The following MICU2 variants were observed in gnomAD, a reference collection of about 807,000 sequenced individuals.
The protein encoded by MICU2 is calcium uptake protein 2, mitochondrial.
MICU2 carries 64 observed loss-of-function variants against 60.4 expected under a neutral mutation model. That is an observed-to-expected ratio of 1.06 (90% confidence interval 0.87 to 1.31). MICU2 has a LOEUF of 1.31. MICU2 is among the 50% of genes most tolerant of loss of function. MICU2 has a pLI of 0.00. For synonymous variants in MICU2, 201 were observed against 175.0 expected (o/e 1.15, Z -1.17); for missense variants, 569 against 531.0 (o/e 1.07, Z -0.70).
chr13:21,510,846 T>C, intron 7 of MICU2, among the ~76,000 whole-genome samples: 1 of 146,752 alleles, frequency 6.8e-6, no homozygotes, highest in East Asian at 1.9e-4. Flanking sequence ...TTAATTCATT[T>C]AATGAATTCC....
At chr13:21,534,291 C>T (rs915493593) in intron 4 of MICU2, among the ~76,000 whole-genome samples, 5 of 151,620 alleles carry the variant, frequency 3.3e-5, no homozygotes, top group Non-Finnish European at 7.4e-5. Flanking sequence ...CTGAAGCCAG[C>T]TTCTTAGGAT....
chr13:21,539,399 T>G, intron 3 of MICU2, 22 bp from the exon 4 acceptor site: 1 of 1,601,184 alleles, frequency 6.2e-7, no homozygotes, highest in Non-Finnish European at 8.5e-7. Context: ...CATATTAAAA[T>G]TAAACTTCTA....
At chr13:21,581,652 GAAT>G (rs1238883510) in intron 1 of MICU2, among the ~76,000 whole-genome samples, 2 of 152,008 alleles carry the variant, frequency 1.3e-5, no homozygotes, top group Non-Finnish European at 2.9e-5. Context: ...GTGCACGTTA[GAAT>G]AATGTATATA....
intron 8 of MICU2, among the ~76,000 whole-genome samples, chr13:21,503,768 G>A (rs1365334649): frequency 6.6e-6 from 1 of 152,138 alleles, no homozygotes; most frequent in Non-Finnish European, 1.5e-5. Context: ...ACCCAGAAAC[G>A]TTGCACTTGA....
intron 1 of MICU2, among the ~76,000 whole-genome samples, chr13:21,569,064 G>A (rs1888047694): frequency 6.6e-6 from 1 of 152,076 alleles, no homozygotes. Context: ...AACAAGAAAA[G>A]GTAGAGGAAT....
At chr13:21,545,490 G>C (rs1403899632) in intron 2 of MICU2, among the ~76,000 whole-genome samples, 1 of 152,180 alleles carries the variant, frequency 6.6e-6, no homozygotes, top group African/African-American at 2.4e-5. Flanking sequence ...AGACCAGCCT[G>C]ACCAGCGTGG....
chr13:21,540,923 A>G (rs1261076761), intron 2 of MICU2, among the ~76,000 whole-genome samples: 1 of 152,136 alleles, frequency 6.6e-6, no homozygotes, highest in Non-Finnish European at 1.5e-5. Context: ...GTATTTACTT[A>G]TCTTTACATA....
intron 1 of MICU2, among the ~76,000 whole-genome samples, chr13:21,601,517 A>G (rs923154378): frequency 6.6e-6 from 1 of 152,232 alleles, no homozygotes; most frequent in African/African-American, 2.4e-5. Context: ...TAAACTTACA[A>G]AGCTGCAGGG....
intron 4 of MICU2, among the ~76,000 whole-genome samples, chr13:21,536,513 T>G (rs967407042): frequency 1.3e-5 from 2 of 152,054 alleles, no homozygotes; most frequent in African/African-American, 4.8e-5. Flanking sequence ...TTACATTATT[T>G]GTAGAGATAG....
At chr13:21,552,758 C>T (rs1053347557) in intron 2 of MICU2, among the ~76,000 whole-genome samples, 17 of 152,160 alleles carry the variant, frequency 1.1e-4, no homozygotes, top group Non-Finnish European at 1.8e-4. Flanking sequence ...GGCATTATTT[C>T]TGAAGGCTCT....
At chr13:21,511,074 A>T (rs970513825) in intron 7 of MICU2, among the ~76,000 whole-genome samples, 1 of 152,092 alleles carries the variant, frequency 6.6e-6, no homozygotes, top group Non-Finnish European at 1.5e-5. Context: ...TATACCTTGG[A>T]GGGTGGAGTG....
chr13:21,558,174 T>C (rs9506708), intron 2 of MICU2, among the ~76,000 whole-genome samples: 20,988 of 152,230 alleles, frequency 0.14, 1,601 homozygotes, highest in Middle Eastern at 0.2. Flanking sequence ...ATTATTTTAA[T>C]GAAGACTATC....
intron 2 of MICU2, among the ~76,000 whole-genome samples, chr13:21,547,645 T>C (rs935799914): frequency 2.0e-5 from 3 of 152,208 alleles, no homozygotes; most frequent in African/African-American, 4.8e-5. Flanking sequence ...TTTGTACTGA[T>C]TGATGTATTT....
chr13:21,497,914 A>G (rs1482066421), intron 9 of MICU2, among the ~76,000 whole-genome samples: 1 of 151,886 alleles, frequency 6.6e-6, no homozygotes, highest in Non-Finnish European at 1.5e-5. Flanking sequence ...ACACCCAACT[A>G]ATGTTTTTAT....
intron 9 of MICU2, among the ~76,000 whole-genome samples, chr13:21,502,385 AATC>A (rs1886196593): frequency 6.6e-6 from 1 of 152,214 alleles, no homozygotes; most frequent in African/African-American, 2.4e-5. Context: ...ATAGCTTGGC[AATC>A]ATCATTTCAT....
intron 2 of MICU2, among the ~76,000 whole-genome samples, chr13:21,562,748 T>C (rs1200064954): frequency 6.6e-6 from 1 of 152,216 alleles, no homozygotes; most frequent in Non-Finnish European, 1.5e-5. Flanking sequence ...CAATATTGTG[T>C]TGCTATTATT....
chr13:21,600,854 T>A (rs1367791521), intron 1 of MICU2, among the ~76,000 whole-genome samples: 3 of 152,180 alleles, frequency 2.0e-5, no homozygotes, highest in African/African-American at 7.2e-5. Flanking sequence ...TGGACTGCAG[T>A]GGCAGGATCT....
chr13:21,555,158 T>G (rs1390138276), intron 2 of MICU2, among the ~76,000 whole-genome samples: 1 of 152,188 alleles, frequency 6.6e-6, no homozygotes, highest in African/African-American at 2.4e-5. Context: ...GAATCCTCCC[T>G]AACTTATTTT....
At chr13:21,557,116 A>C (rs1887726828) in intron 2 of MICU2, among the ~76,000 whole-genome samples, 1 of 152,210 alleles carries the variant, frequency 6.6e-6, no homozygotes, top group Non-Finnish European at 1.5e-5. Flanking sequence ...TGAGACTAGA[A>C]GCTTTTATTA....
Sources: gnomAD v4.1 joint callset for allele counts (sites outside exome capture counted in the v4.1 genomes callset) on GRCh38, gnomAD v4.1.1 for gene constraint, MANE v1.5 for transcripts, NCBI Gene and HGNC (gene_info 2026-07-23, HGNC 2026-07-21) for gene names.